The following NRG3 variants were observed in gnomAD, a reference collection of about 807,000 sequenced individuals.
NRG3 encodes pro-neuregulin-3, membrane-bound isoform.
NRG3 carries 31 observed loss-of-function variants against 66.9 expected under a neutral mutation model. That is an observed-to-expected ratio of 0.46 (90% confidence interval 0.35 to 0.63). The LOEUF (loss-of-function observed/expected upper bound fraction) is 0.63, where lower values mean the gene tolerates loss of function less well. Among genes scored for constraint, NRG3 ranks in the 20% least tolerant of loss-of-function variants. The probability of loss-of-function intolerance (pLI) is 0.00; values close to 1 mark genes in which losing one functional copy is unlikely to be tolerated. For missense variants in NRG3, 910 were observed against 878.9 expected, an observed-to-expected ratio of 1.04 and a Z score of -0.45; for synonymous variants, 393 against 359.4, an observed-to-expected ratio of 1.09 and a Z score of -1.06.
intron 2 of NRG3, among the ~76,000 whole-genome samples, chr10:82,534,781 A>G (rs189024522): frequency 7.9e-4 from 120 of 152,282 alleles, no homozygotes; most frequent in Non-Finnish European, 1.0e-4. Context: ...TATGTAGTTG[A>G]CTGATCTGGG....
intron 4 of NRG3, among the ~76,000 whole-genome samples, chr10:82,930,773 A>G (rs917534689): frequency 6.6e-6 from 1 of 152,184 alleles, no homozygotes; most frequent in African/African-American, 2.4e-5. Context: ...ACTTGATCCA[A>G]TGGAGGTTAC....
intron 1 of NRG3, among the ~76,000 whole-genome samples, chr10:81,960,886 A>C (rs1850292762): frequency 6.6e-6 from 1 of 152,090 alleles, no homozygotes; most frequent in African/African-American, 2.4e-5. Flanking sequence ...ACCTCTTGAT[A>C]AAGACCCCTC....
At chr10:82,196,127 A>T (rs965288820) in intron 1 of NRG3, among the ~76,000 whole-genome samples, 7 of 152,184 alleles carry the variant, frequency 4.6e-5, no homozygotes, top group Non-Finnish European at 1.0e-4. Context: ...CTCCATCTAA[A>T]ACCCGTGCAC....
intron 1 of NRG3, among the ~76,000 whole-genome samples, chr10:82,099,159 A>G (rs1485244577): frequency 6.6e-6 from 1 of 152,196 alleles, no homozygotes; most frequent in Non-Finnish European, 1.5e-5. Flanking sequence ...TGTATAAAAA[A>G]AACTTTGCCT....
intron 1 of NRG3, among the ~76,000 whole-genome samples, chr10:82,001,838 T>C (rs1042562992): frequency 6.6e-6 from 1 of 152,210 alleles, no homozygotes; most frequent in Non-Finnish European, 1.5e-5. Flanking sequence ...TAAGTGCATG[T>C]AAATGCTCTC....
At chr10:82,296,262 T>TC in intron 1 of NRG3, among the ~76,000 whole-genome samples, 1 of 152,270 alleles carries the variant, frequency 6.6e-6, no homozygotes, top group East Asian at 1.9e-4. Flanking sequence ...TTTAAACTCG[T>TC]CCCAAAGGCA....
intron 2 of NRG3, among the ~76,000 whole-genome samples, chr10:82,651,495 T>A (rs1175727571): frequency 6.6e-6 from 1 of 152,190 alleles, no homozygotes; most frequent in Non-Finnish European, 1.5e-5. Flanking sequence ...GGGAAAGCCA[T>A]CTGCCATGTC....
At chr10:82,631,288 G>C (rs2049811692) in intron 2 of NRG3, among the ~76,000 whole-genome samples, 1 of 152,088 alleles carries the variant, frequency 6.6e-6, no homozygotes, top group Non-Finnish European at 1.5e-5. Flanking sequence ...CCGGATGAGG[G>C]AGAGCCGTCT....
chr10:82,614,151 G>A (rs932966568), intron 2 of NRG3, among the ~76,000 whole-genome samples: 2 of 152,038 alleles, frequency 1.3e-5, no homozygotes, highest in South Asian at 2.1e-4. Flanking sequence ...GCCTGCCTTG[G>A]CCTCCCAAAG....
At chr10:82,624,763 A>T (rs1036245294) in intron 2 of NRG3, among the ~76,000 whole-genome samples, 2 of 147,984 alleles carry the variant, frequency 1.4e-5, no homozygotes, top group Non-Finnish European at 3.0e-5. Context: ...TTTACAATGA[A>T]CCCAATGTAC....
intron 1 of NRG3, among the ~76,000 whole-genome samples, chr10:82,198,813 A>G (rs893452871): frequency 2.0e-5 from 3 of 152,084 alleles, no homozygotes; most frequent in Admixed American, 6.5e-5. Flanking sequence ...CCTGACCAAC[A>G]TGGTGAAACC....
chr10:82,323,682 G>GT (rs1323959495), intron 1 of NRG3, among the ~76,000 whole-genome samples: 2 of 151,758 alleles, frequency 1.3e-5, no homozygotes, highest in Non-Finnish European at 2.9e-5. Context: ...CAGAATTGGT[G>GT]TTTTTTTAAA....
intron 1 of NRG3, among the ~76,000 whole-genome samples, chr10:82,233,385 C>CA (rs910895832): frequency 1.9e-4 from 29 of 152,008 alleles, no homozygotes; most frequent in East Asian, 1.7e-3. Context: ...CAAAACAAAA[C>CA]AAAAAAAGAA....
At chr10:82,663,547 A>G (rs756751401) in intron 2 of NRG3, among the ~76,000 whole-genome samples, 1 of 152,168 alleles carries the variant, frequency 6.6e-6, no homozygotes, top group Non-Finnish European at 1.5e-5. Flanking sequence ...AAGCCTTAGC[A>G]TCAATCAACA....
chr10:82,259,185 G>A (rs1488735586), intron 1 of NRG3, among the ~76,000 whole-genome samples: 1 of 152,090 alleles, frequency 6.6e-6, no homozygotes, highest in East Asian at 1.9e-4. Flanking sequence ...AAATCTGAAT[G>A]TTCAATTTTA....
intron 1 of NRG3, among the ~76,000 whole-genome samples, chr10:82,326,018 C>G (rs1193119533): frequency 2.6e-5 from 4 of 152,076 alleles, no homozygotes; most frequent in Admixed American, 2.6e-4. Flanking sequence ...ATATTTCTGG[C>G]TGTTAATTTT....
chr10:82,316,873 G>A (rs1260593214), intron 1 of NRG3, among the ~76,000 whole-genome samples: 1 of 152,128 alleles, frequency 6.6e-6, no homozygotes, highest in Non-Finnish European at 1.5e-5. Context: ...CTTGGCAGGA[G>A]GAAACCATGG....
chr10:82,540,912 T>C (rs1183097308), intron 2 of NRG3, among the ~76,000 whole-genome samples: 1 of 152,200 alleles, frequency 6.6e-6, no homozygotes, highest in Non-Finnish European at 1.5e-5. Flanking sequence ...CCTTTAAAGA[T>C]GTTTTAAGGT....
chr10:82,283,993 TAG>T (rs529366866), intron 1 of NRG3, among the ~76,000 whole-genome samples: 1 of 152,346 alleles, frequency 6.6e-6, no homozygotes, highest in East Asian at 1.9e-4. Flanking sequence ...GAGAGAAAGT[TAG>T]AGAGAGCATT....
Sources: gnomAD v4.1 joint callset for allele counts (sites outside exome capture counted in the v4.1 genomes callset) on GRCh38, gnomAD v4.1.1 for gene constraint, MANE v1.5 for transcripts, NCBI Gene and HGNC (gene_info 2026-07-23, HGNC 2026-07-21) for gene names.